GPRC6A: variants seen among roughly 807,000 people sequenced by gnomAD.
GPRC6A encodes G protein-coupled receptor family C group 6 member A.
Under a neutral mutation model 47.0 loss-of-function variants are expected in GPRC6A, and 54 were observed. That is an observed-to-expected ratio of 1.15 (90% CI 0.92 to 1.44). The LOEUF is 1.44. Ranked by LOEUF, GPRC6A falls within the 40% of genes most tolerant of loss-of-function variation. GPRC6A has a pLI of 0.00. For missense variants in GPRC6A, 1,112 were observed against 1,105.5 expected, an observed-to-expected ratio of 1.01 and a Z score of -0.08; for synonymous variants, 347 against 377.1, an observed-to-expected ratio of 0.92 and a Z score of 0.93.
At chr6:116,819,333 G>T (rs1773368783) in intron 1 of GPRC6A, among the ~76,000 whole-genome samples, 1 of 150,732 alleles carries the variant, frequency 6.6e-6, no homozygotes, top group Non-Finnish European at 1.5e-5. Context: ...CCCAGGAATT[G>T]AACTCAGCTC....
chr6:116,797,400 G>A (rs1234677163), intron 4 of GPRC6A, among the ~76,000 whole-genome samples: 2 of 152,098 alleles, frequency 1.3e-5, no homozygotes, highest in Non-Finnish European at 2.9e-5. Flanking sequence ...ATTGATTTAG[G>A]ATTATCTGAT....
At chr6:116,810,720 T>C (rs1293483276) in intron 1 of GPRC6A, among the ~76,000 whole-genome samples, 3 of 151,608 alleles carry the variant, frequency 2.0e-5, no homozygotes, top group Non-Finnish European at 2.9e-5. Context: ...ATAATATCCC[T>C]CTTTATTAAA....
Position 116,809,381 on chromosome 6 carries a change from A to C in GPRC6A, c.431T>G (p.Ile144Arg), listed in dbSNP as rs28360548. The change falls in exon 2 of 6, where the codon ATA (isoleucine) becomes AGA (arginine). Residue 144 changes from isoleucine (I) to arginine (R), a missense_variant. By Grantham distance (97) the Ile-to-Arg change is moderately conservative. Transcript: ENST00000310357. ...AGTTATTTCTGAGTACCCAGAACCTATGACAGCCTTAACTCTTGGCATGTA... is the reference window on the plus strand; with the variant it reads ...AGTTATTTCTGAGTACCCAGAACCTCTGACAGCCTTAACTCTTGGCATGTA... ...SSYMPRVKAVIGSGYSEITMA... is the reference protein window; with the variant it reads ...SSYMPRVKAVRGSGYSEITMA... 503,907 of 1,612,448 alleles carry C rather than the reference A, an allele frequency of 0.31. 83,286 individuals are homozygous for C. Among genetic ancestry groups the C allele is most frequent in the Non-Finnish European group, 0.34 (404,705 of 1,178,718 alleles).
rs1244264636 is a variant in GPRC6A at position 116,828,871 on chromosome 6, A to G, written c.143T>C (p.Met48Thr). ...TCTGGGAGAGTCTTCTGAGGACAAC[A>G]TTTTTTCATGAATAGCAAACAAACC... is the stretch of plus-strand genomic sequence containing the variant. ...IGGLFAIHEK[M>T]LSSEDSPRRP... Residue 48 changes from methionine (M) to threonine (T), a missense_variant, in exon 1 of 6, where the codon ATG becomes ACG. Transcript: ENST00000310357. 1.9e-6 allele frequency: 3 copies of G among 1,613,242 alleles called. No individual in the cohort carries two copies. Among genetic ancestry groups the G allele is most frequent in the South Asian group, 1.1e-5 (1 of 91,046 alleles).
In GPRC6A at chr6:116,809,609, A is replaced by C. The variant is rs1223082278; in HGVS notation, c.203T>G (p.Ile68Arg). The C allele has an allele frequency of 9.3e-6, 15 of 1,604,442 alleles. No homozygotes were observed. The highest frequency in any genetic ancestry group is 9.4e-6 in the Non-Finnish European group (11 of 1,173,170). Residue 68 changes from isoleucine (I) to arginine (R), a missense_variant, in exon 2 of 6, where the codon ATA becomes AGA. Transcript: ENST00000310357. ...GGCAAGAGTTTGAAGAAAAACTGAT[A>C]TTTCAAAGCTGTTGGGAAACAAGTA... Reference protein sequence around the residue: ...PQIQECVGFEISVFLQTLAMI... With the variant: ...PQIQECVGFERSVFLQTLAMI...
chr6:116,818,754 T>A (rs1773342389), intron 1 of GPRC6A, among the ~76,000 whole-genome samples: 1 of 151,424 alleles, frequency 6.6e-6, no homozygotes, highest in Non-Finnish European at 1.5e-5. Flanking sequence ...TGCAAAATCA[T>A]GCCAAAATGT....
chr6:116,826,861 C>G (rs1176944862), intron 1 of GPRC6A, among the ~76,000 whole-genome samples: 2 of 151,744 alleles, frequency 1.3e-5, no homozygotes, highest in African/African-American at 4.8e-5. Context: ...GAATAGTACT[C>G]AGCCATAAAA....
chr6:116,816,888 G>A (rs1407314157), intron 1 of GPRC6A, among the ~76,000 whole-genome samples: 8 of 152,044 alleles, frequency 5.3e-5, no homozygotes, highest in Non-Finnish European at 1.0e-4. Context: ...AGGGTCCTAC[G>A]CCCACGGAAT....
chr6:116,804,159 C>T (rs953054783), intron 3 of GPRC6A, among the ~76,000 whole-genome samples: 4 of 151,892 alleles, frequency 2.6e-5, no homozygotes, highest in Non-Finnish European at 5.9e-5. Context: ...ACAAAAAAAC[C>T]GAAATCTCTA....
chr6:116,806,344 T>A, intron 3 of GPRC6A, 26 bp downstream of exon 3: 13 of 1,425,330 alleles, frequency 9.1e-6, no homozygotes, highest in South Asian at 6.5e-5. Context: ...GGTAGAAGAG[T>A]TTTTCTTGGA....
rs1273826496 is a variant in GPRC6A, at chr6:116,824,887, T to C, written c.194+3933A>G. 5.9e-5 allele frequency among the ~76,000 whole-genome samples: 9 copies of C among 152,128 alleles called. No homozygotes were observed. In the South Asian group the frequency reaches 1.9e-3, roughly 32 times the overall value. ...ATTCAACAGTGCGTCACAAAGATAA[T>C]ACACCATGATTAAGTGTAATATCAA... On this transcript the variant is annotated intron_variant, in intron 1 of 5. Coordinates refer to ENST00000310357, the MANE Select transcript of GPRC6A (RefSeq NM_148963.4).
At chr6:116,800,418 C>A (rs1772634239) in intron 4 of GPRC6A, among the ~76,000 whole-genome samples, 166 bp downstream of exon 4, 1 of 134,110 alleles carries the variant, frequency 7.5e-6, no homozygotes, top group African/African-American at 2.7e-5. Context: ...TTTCTTTCCT[C>A]TTTTGCCAAC....
At chr6:116,816,595 C>G (rs1056984832) in intron 1 of GPRC6A, among the ~76,000 whole-genome samples, 4 of 152,200 alleles carry the variant, frequency 2.6e-5, no homozygotes, top group African/African-American at 7.2e-5. Context: ...ACGCAGAAGA[C>G]GGGTGATTTC....
rs182237063 is a variant in GPRC6A at position 116,820,317 on chromosome 6, C to T, written c.194+8503G>A. On this transcript the variant is annotated intron_variant, in intron 1 of 5. Coordinates refer to ENST00000310357, the MANE Select transcript of GPRC6A (RefSeq NM_148963.4). ...GGTACCATTCCTTCTGAAACTATTC[C>T]GATCAATAGAAAAAGAGGGAATCCT... 5.4e-3 allele frequency among the ~76,000 whole-genome samples: 824 copies of T among 152,156 alleles called. 2 individuals are homozygous for T. Among genetic ancestry groups the T allele is most frequent in the Admixed American group, 0.012 (188 of 15,276 alleles).
At position 116,828,888 on chromosome 6, in the gene GPRC6A, A is replaced by C. The variant is rs745649759; in HGVS notation, c.126T>G (p.Phe42Leu). Residue 42 changes from phenylalanine (F) to leucine (L), a missense_variant, in exon 1 of 6, where the codon TTT (phenylalanine) becomes TTG (leucine). Physicochemically the swap from Phe to Leu is conservative, Grantham distance 22 (BLOSUM62 0). Transcript: ENST00000310357. ...AGGACAACATTTTTTCATGAATAGC[A>C]AACAAACCTCCAATTATGATATGTC... is the stretch of plus-strand genomic sequence containing the variant. ...SPGHIIIGGL[F>L]AIHEKMLSSE... The C allele has an allele frequency of 1.2e-6, 2 of 1,613,368 alleles. No homozygotes were observed. The highest frequency in any genetic ancestry group is 1.7e-6 in the Non-Finnish European group (2 of 1,179,558).
intron 1 of GPRC6A, among the ~76,000 whole-genome samples, chr6:116,823,200 C>A (rs1773563043): frequency 6.6e-6 from 1 of 152,090 alleles, no homozygotes; most frequent in Admixed American, 6.6e-5. Context: ...AGTTTTACAT[C>A]ATTTCCTTGC....
At chr6:116,817,091 GACAA>G (rs1487561360) in intron 1 of GPRC6A, among the ~76,000 whole-genome samples, 3 of 152,248 alleles carry the variant, frequency 2.0e-5, no homozygotes, top group Admixed American at 1.3e-4. Context: ...GCAGGGCACA[GACAA>G]ACAAAAAGAC....
Position 116,792,256 on chromosome 6 carries a change from A to C in GPRC6A, c.2667T>G (p.Ser889=). Reference sequence around the variant, plus strand: ...GATCTTTGCTTTTCTGCCAGGTTGCAGACTTGCCACTAGAGCTGGGATTGG... The same window carrying C: ...GATCTTTGCTTTTCTGCCAGGTTGCCGACTTGCCACTAGAGCTGGGATTGG... ...TMTNPSSSGK[S]ATWQKSKDLQ... Residue 889 remains serine, a synonymous_variant, in exon 6 of 6, where the codon TCT becomes TCG. Transcript: ENST00000310357. 1 of 1,614,058 alleles carries C rather than the reference A, an allele frequency of 6.2e-7. No homozygotes were observed. The highest frequency in any genetic ancestry group is 8.5e-7 in the Non-Finnish European group (1 of 1,179,976).
intron 1 of GPRC6A, among the ~76,000 whole-genome samples, chr6:116,813,750 A>T (rs199624110): frequency 2.6e-5 from 4 of 152,292 alleles, no homozygotes; most frequent in East Asian, 3.9e-4. Flanking sequence ...AAGCCAAAAT[A>T]GACAAATGGG....
Sources: allele counts gnomAD v4.1 joint callset (sites outside exome capture counted in the v4.1 genomes callset), GRCh38; gene constraint gnomAD v4.1.1; transcripts MANE v1.5; gene names NCBI Gene and HGNC (gene_info 2026-07-23, HGNC 2026-07-21).